The following CLINT1 variants were observed in gnomAD, a reference collection of about 807,000 sequenced individuals.
CLINT1 encodes clathrin interacting protein localized in the trans-Golgi region.
A neutral mutation model predicts 70.4 loss-of-function variants in CLINT1; 15 were observed. The ratio of observed to expected loss-of-function variants is 0.21; its 90% confidence interval spans 0.14 to 0.33. The LOEUF (loss-of-function observed/expected upper bound fraction) is 0.33. Ranked by LOEUF, CLINT1 falls within the 10% of genes least tolerant of loss-of-function variation. CLINT1 has a pLI of 1.00. For missense variants in CLINT1, 615 were observed against 778.1 expected (o/e 0.79, Z 2.49); for synonymous variants, 227 against 254.7 (o/e 0.89, Z 1.04).
At chr5:157,796,185 A>G (rs1762061363) in intron 8 of CLINT1, 1 of 152,194 alleles carries the variant, frequency 6.6e-6, no homozygotes, top group Non-Finnish European at 1.5e-5. Context: ...ATGGGAAAAA[A>G]ATAGCTTTTT....
At chr5:157,809,836 C>T (rs759109541) in intron 5 of CLINT1, 31 bp from the exon 6 acceptor site, 3 of 1,584,062 alleles carry the variant, frequency 1.9e-6, no homozygotes, top group Non-Finnish European at 1.7e-6. Context: ...AGAAGCAATT[C>T]TAACGACATT....
chr5:157,820,535 A>G (rs1408063793), intron 1 of CLINT1, among the ~76,000 whole-genome samples: 2 of 152,204 alleles, frequency 1.3e-5, no homozygotes, highest in African/African-American at 4.8e-5. Context: ...TTAAGCTTCA[A>G]CTAATTCAGA....
chr5:157,827,106 T>C (rs1763063901), intron 1 of CLINT1, among the ~76,000 whole-genome samples: 1 of 152,106 alleles, frequency 6.6e-6, no homozygotes, highest in African/African-American at 2.4e-5. Flanking sequence ...ATGTCTGTCC[T>C]AAAATATAGC....
At chr5:157,848,113 AT>A (rs1000290624) in intron 1 of CLINT1, among the ~76,000 whole-genome samples, 1 of 149,554 alleles carries the variant, frequency 6.7e-6, no homozygotes, top group Admixed American at 6.7e-5. Flanking sequence ...GCCAAAAAAA[AT>A]TTTTTTTTGA....
intron 6 of CLINT1, among the ~76,000 whole-genome samples, chr5:157,807,657 C>T (rs1261941902): frequency 6.6e-6 from 1 of 152,118 alleles, no homozygotes; most frequent in Non-Finnish European, 1.5e-5. Context: ...ACTGCATTTT[C>T]ACTCTTTTAA....
Position 157,817,454 on chromosome 5 carries a change from T to C in CLINT1, c.135A>G (p.Gly45=), listed in dbSNP as rs1581505415. The change falls in exon 2 of 12, where the codon GGA becomes GGG. Residue 45 remains glycine, a synonymous_variant. Transcript: ENST00000411809. ...DPWGPSGQLM[G]EIAKATFMYE... ...AAATTATCACTTACTTGGCAATCTC[T>C]CCCATGAGTTGCCCAGAAGGTCCCC... is the stretch of plus-strand genomic sequence containing the variant. The C allele has an allele frequency of 6.3e-7, 1 of 1,595,682 alleles. No homozygotes were observed. Among genetic ancestry groups the C allele is most frequent in the East Asian group, 2.2e-5 (1 of 44,544 alleles).
chr5:157,810,841 G>A (rs919520120), intron 5 of CLINT1, among the ~76,000 whole-genome samples: 3 of 152,158 alleles, frequency 2.0e-5, no homozygotes, highest in African/African-American at 4.8e-5. Flanking sequence ...TTGAACTTTT[G>A]TTTACAGGAT....
chr5:157,857,716 T>C (rs935806782), intron 1 of CLINT1, among the ~76,000 whole-genome samples: 1 of 152,236 alleles, frequency 6.6e-6, no homozygotes, highest in Non-Finnish European at 1.5e-5. Flanking sequence ...GTTATAAAGC[T>C]TGAACCCAGC....
At chr5:157,791,668 T>C in intron 10 of CLINT1, 35 bp downstream of exon 10, 2 of 1,561,736 alleles carry the variant, frequency 1.3e-6, no homozygotes, top group African/African-American at 1.4e-5. Context: ...TCAAAGATTA[T>C]AAATAACAAA....
At chr5:157,832,146 C>T (rs1178408022) in intron 1 of CLINT1, among the ~76,000 whole-genome samples, 2 of 151,856 alleles carry the variant, frequency 1.3e-5, no homozygotes, top group Non-Finnish European at 1.5e-5. Flanking sequence ...TGCTGCCACG[C>T]GAATTTTTGT....
chr5:157,854,116 C>T (rs1029750484), intron 1 of CLINT1, among the ~76,000 whole-genome samples: 1 of 152,156 alleles, frequency 6.6e-6, no homozygotes, highest in Non-Finnish European at 1.5e-5. Context: ...ACTATCTCTG[C>T]TTTCAAATTC....
At chr5:157,836,030 C>G (rs956763722) in intron 1 of CLINT1, among the ~76,000 whole-genome samples, 2 of 152,176 alleles carry the variant, frequency 1.3e-5, no homozygotes, top group Non-Finnish European at 2.9e-5. Flanking sequence ...ACTTTTCTGG[C>G]AGGTTGTTAA....
At chr5:157,823,650 A>G in intron 1 of CLINT1, 2 of 346,144 alleles carry the variant, frequency 5.8e-6, no homozygotes, top group Non-Finnish European at 8.1e-6. Flanking sequence ...TTTATCCTCA[A>G]TGCCACAAAG....
chr5:157,810,704 A>G (rs1030365712), intron 5 of CLINT1, among the ~76,000 whole-genome samples: 1 of 152,226 alleles, frequency 6.6e-6, no homozygotes, highest in Non-Finnish European at 1.5e-5. Flanking sequence ...CAACAGTAGA[A>G]GGTACAGAGA....
intron 1 of CLINT1, among the ~76,000 whole-genome samples, chr5:157,857,786 A>G (rs554448459): frequency 1.3e-5 from 2 of 152,332 alleles, no homozygotes; most frequent in South Asian, 4.1e-4. Flanking sequence ...GTAGCACAGA[A>G]AATATAAAAA....
intron 11 of CLINT1, among the ~76,000 whole-genome samples, chr5:157,788,907 C>T (rs1761810288): frequency 7.0e-6 from 1 of 143,514 alleles, no homozygotes; most frequent in Admixed American, 7.5e-5. Context: ...GTGGAGGCTG[C>T]AGTGAGCTGA....
chr5:157,851,321 T>A (rs1753566132), intron 1 of CLINT1, among the ~76,000 whole-genome samples: 1 of 152,086 alleles, frequency 6.6e-6, no homozygotes, highest in Admixed American at 6.5e-5. Flanking sequence ...TTATAAAAGA[T>A]TATTTATATT....
intron 7 of CLINT1, among the ~76,000 whole-genome samples, chr5:157,805,593 G>A (rs1456981445): frequency 6.6e-6 from 1 of 152,042 alleles, no homozygotes; most frequent in African/African-American, 2.4e-5. Flanking sequence ...GTCTAGATGG[G>A]GACAGAGGCA....
intron 11 of CLINT1, among the ~76,000 whole-genome samples, chr5:157,789,001 A>C (rs1237182728): frequency 2.0e-5 from 3 of 151,630 alleles, no homozygotes; most frequent in Non-Finnish European, 2.9e-5. Flanking sequence ...AAAACATAGA[A>C]AGAAATATGT....
Sources: gnomAD v4.1 joint callset for allele counts (sites outside exome capture counted in the v4.1 genomes callset) on GRCh38, gnomAD v4.1.1 for gene constraint, MANE v1.5 for transcripts, NCBI Gene and HGNC (gene_info 2026-07-23, HGNC 2026-07-21) for gene names.